Variants in EPHA3 observed in about 807,000 individuals in gnomAD.
EPHA3 encodes the protein ephrin type-A receptor 3.
Under a neutral mutation model 107.1 loss-of-function variants are expected in EPHA3, and 42 were observed. The observed-to-expected ratio is 0.39, with a 90% confidence interval of 0.31 to 0.51. The LOEUF is 0.51. Among genes scored for constraint, EPHA3 ranks in the 20% least tolerant of loss-of-function variants. The pLI, the probability that EPHA3 is intolerant of heterozygous loss-of-function variation, is 0.78. For missense variants in EPHA3, 1,183 were observed against 1,211.2 expected (o/e 0.98, Z 0.35); for synonymous variants, 461 against 424.8 (o/e 1.09, Z -1.05).
chr3:89,141,173 TA>T (rs1191887550), intron 2 of EPHA3, among the ~76,000 whole-genome samples: 1 of 151,626 alleles, frequency 6.6e-6, no homozygotes, highest in Admixed American at 6.6e-5. Flanking sequence ...AAGGAAATCT[TA>T]AAGTTTAGTG....
intron 3 of EPHA3, among the ~76,000 whole-genome samples, chr3:89,277,329 A>C (rs907713): frequency 0.24 from 35,950 of 152,058 alleles, 4,739 homozygotes; most frequent in African/African-American, 0.37. Context: ...AGTATGAGAA[A>C]TCCTTTAAGC....
chr3:89,267,667 A>C (rs1043229009), intron 3 of EPHA3, among the ~76,000 whole-genome samples: 1 of 152,162 alleles, frequency 6.6e-6, no homozygotes, highest in African/African-American at 2.4e-5. Context: ...AATTAACTTT[A>C]TGAAGGCTGT....
chr3:89,420,912 A>G (rs965720663), intron 11 of EPHA3, among the ~76,000 whole-genome samples: 5 of 151,442 alleles, frequency 3.3e-5, no homozygotes, highest in African/African-American at 1.2e-4. Flanking sequence ...ACATTATTTC[A>G]TTCTTACCAC....
At chr3:89,367,826 T>A (rs1180582452) in intron 5 of EPHA3, among the ~76,000 whole-genome samples, 2 of 150,860 alleles carry the variant, frequency 1.3e-5, no homozygotes. Flanking sequence ...AATTTTTCTC[T>A]AATTCTTCTC....
chr3:89,165,731 G>T (rs1375439098), intron 2 of EPHA3, among the ~76,000 whole-genome samples: 2 of 152,116 alleles, frequency 1.3e-5, no homozygotes, highest in Non-Finnish European at 1.5e-5. Context: ...GAAGACATCA[G>T]CTTTTGTGCA....
chr3:89,338,520 A>G (rs924648106), intron 3 of EPHA3, among the ~76,000 whole-genome samples: 5 of 152,210 alleles, frequency 3.3e-5, no homozygotes, highest in Non-Finnish European at 7.3e-5. Context: ...AAAGAGCCCA[A>G]ACAAGAATAG....
At chr3:89,422,282 T>C (rs1368673028) in intron 11 of EPHA3, among the ~76,000 whole-genome samples, 2 of 150,778 alleles carry the variant, frequency 1.3e-5, no homozygotes, top group East Asian at 3.9e-4. Context: ...GCTATTATTG[T>C]CTTTGTTTCC....
Position 89,407,889 on chromosome 3 carries a change from T to C in EPHA3, c.1698-178T>C, listed in dbSNP as rs114414287. Among the ~76,000 whole-genome samples the C allele has an allele frequency of 9.7e-3, 1,479 of 152,250 alleles. 27 individuals carry two copies. Among genetic ancestry groups the C allele is most frequent in the African/African-American group, 0.034 (1,415 of 41,556 alleles). ...TCCTCATTAGGCAGCTTTCCAGGGT[T>C]CCCAGAGAGAGGGGCTTTCTTCAGA... On this transcript the variant is annotated intron_variant, in intron 8 of 16. Transcript: ENST00000336596.
intron 2 of EPHA3, among the ~76,000 whole-genome samples, chr3:89,188,143 C>G (rs1705617826): frequency 6.6e-6 from 1 of 152,050 alleles, no homozygotes; most frequent in African/African-American, 2.4e-5. Context: ...TGGATACATT[C>G]TTGTTTGTAA....
At chr3:89,177,916 A>G (rs1229699001) in intron 2 of EPHA3, among the ~76,000 whole-genome samples, 1 of 152,136 alleles carries the variant, frequency 6.6e-6, no homozygotes, top group Non-Finnish European at 1.5e-5. Context: ...TTGATTTACT[A>G]CACTCAGAAT....
At chr3:89,139,778 G>A (rs1250346190) in intron 2 of EPHA3, among the ~76,000 whole-genome samples, 3 of 151,698 alleles carry the variant, frequency 2.0e-5, no homozygotes, top group Non-Finnish European at 3.0e-5. Flanking sequence ...GTCTGGGTTC[G>A]GTGCTCTTTT....
At chr3:89,421,509 C>T (rs1214828648) in intron 11 of EPHA3, among the ~76,000 whole-genome samples, 2 of 151,088 alleles carry the variant, frequency 1.3e-5, no homozygotes, top group African/African-American at 4.8e-5. Context: ...TACTTTTTAG[C>T]TTGAATAGAA....
chr3:89,137,154 A>G (rs1704331908), intron 2 of EPHA3, among the ~76,000 whole-genome samples: 1 of 152,008 alleles, frequency 6.6e-6, no homozygotes, highest in Non-Finnish European at 1.5e-5. Flanking sequence ...GTGCATTATT[A>G]AGAAATGGCC....
chr3:89,304,404 G>A (rs1706561937), intron 3 of EPHA3, among the ~76,000 whole-genome samples: 1 of 151,928 alleles, frequency 6.6e-6, no homozygotes, highest in South Asian at 2.1e-4. Flanking sequence ...AATCCTTACA[G>A]GACTTTGACT....
intron 5 of EPHA3, among the ~76,000 whole-genome samples, chr3:89,350,848 A>G (rs1235196979): frequency 6.6e-6 from 1 of 151,178 alleles, no homozygotes; most frequent in Non-Finnish European, 1.5e-5. Flanking sequence ...CAGGACCCTC[A>G]GCTGCAGGTC....
chr3:89,265,265 C>T (rs1433255881), intron 3 of EPHA3, among the ~76,000 whole-genome samples: 3 of 152,228 alleles, frequency 2.0e-5, no homozygotes, highest in African/African-American at 7.2e-5. Flanking sequence ...TAGAGCATAG[C>T]ATTTATTTAG....
chr3:89,265,363 T>C (rs1705511701), intron 3 of EPHA3, among the ~76,000 whole-genome samples: 1 of 152,164 alleles, frequency 6.6e-6, no homozygotes, highest in Non-Finnish European at 1.5e-5. Context: ...TTAATTTTCA[T>C]GAAGTTCGTT....
chr3:89,187,293 CT>C (rs1401122777), intron 2 of EPHA3, among the ~76,000 whole-genome samples: 3 of 148,250 alleles, frequency 2.0e-5, no homozygotes, highest in African/African-American at 7.4e-5. Flanking sequence ...ATATATGAGT[CT>C]ATACATTACC....
rs573638124 is a variant in EPHA3 at position 89,299,999 on chromosome 3, A to G, written c.815-40917A>G. Among the ~76,000 whole-genome samples, 321 of 152,134 alleles carry G rather than the reference A, an allele frequency of 2.1e-3. 1 individual carries two copies. Among genetic ancestry groups the G allele is most frequent in the Non-Finnish European group, 3.8e-3 (259 of 67,914 alleles). On this transcript the variant is annotated intron_variant, in intron 3 of 16. Coordinates refer to ENST00000336596, the MANE Select transcript of EPHA3 (RefSeq NM_005233.6). ...ATAATATTATTTTATTTTATTTATC[A>G]TGATTTGGCCACTAAGCCAAATAAA...
Sources: gnomAD v4.1 joint callset for allele counts (sites outside exome capture counted in the v4.1 genomes callset) on GRCh38, gnomAD v4.1.1 for gene constraint, MANE v1.5 for transcripts, NCBI Gene and HGNC (gene_info 2026-07-23, HGNC 2026-07-21) for gene names.